DIP2C: variants seen among roughly 807,000 people sequenced by gnomAD.
DIP2C encodes disco-interacting protein 2 homolog C.
A neutral mutation model predicts 192.4 loss-of-function variants in DIP2C; 33 were observed. The observed-to-expected ratio is 0.17, with a 90% CI of 0.13 to 0.23. The LOEUF is 0.23. DIP2C is among the 10% of genes least tolerant of loss of function. DIP2C has a pLI of 1.00. For missense variants in DIP2C, 1,537 were observed against 2,110.1 expected (o/e 0.73, Z 5.32); for synonymous variants, 979 against 864.1 (o/e 1.13, Z -2.33).
At chr10:544,358 G>A (rs1427825071) in intron 1 of DIP2C, among the ~76,000 whole-genome samples, 4 of 152,234 alleles carry the variant, frequency 2.6e-5, no homozygotes, top group East Asian at 1.9e-4. Context: ...CATCTGGGCT[G>A]TTTCTACTCA....
chr10:551,609 CAGAG>C (rs1259139407), intron 1 of DIP2C, among the ~76,000 whole-genome samples: 2 of 152,192 alleles, frequency 1.3e-5, no homozygotes, highest in African/African-American at 4.8e-5. Flanking sequence ...TCCCTGGGCT[CAGAG>C]AAAGGTGAGG....
chr10:622,739 C>G (rs139811991), intron 1 of DIP2C, among the ~76,000 whole-genome samples: 1 of 152,278 alleles, frequency 6.6e-6, no homozygotes, highest in Non-Finnish European at 1.5e-5. Flanking sequence ...ACGTTCTTCA[C>G]GTTCTAAATG....
intron 1 of DIP2C, among the ~76,000 whole-genome samples, chr10:620,170 C>T (rs576731537): frequency 6.6e-6 from 1 of 152,318 alleles, no homozygotes; most frequent in African/African-American, 2.4e-5. Flanking sequence ...CTTGTATAGT[C>T]TTACAAGGCC....
chr10:563,937 G>A (rs1011265863), intron 1 of DIP2C, among the ~76,000 whole-genome samples: 1 of 152,202 alleles, frequency 6.6e-6, no homozygotes, highest in Non-Finnish European at 1.5e-5. Context: ...GCTCATTCAG[G>A]GAATCGATGC....
At chr10:309,560 C>CTTTT (rs766027771) in intron 32 of DIP2C, among the ~76,000 whole-genome samples, 2 of 137,152 alleles carry the variant, frequency 1.5e-5, no homozygotes, top group Non-Finnish European at 3.2e-5. Context: ...AACAGAGTTT[C>CTTTT]TTTTTTTTTT....
intron 1 of DIP2C, among the ~76,000 whole-genome samples, chr10:514,676 A>G (rs147726517): frequency 6.6e-6 from 1 of 152,030 alleles, no homozygotes; most frequent in Non-Finnish European, 1.5e-5. Flanking sequence ...CCAACACCGT[A>G]TTTCCTCATG....
intron 6 of DIP2C, among the ~76,000 whole-genome samples, chr10:416,203 C>T (rs942023019): frequency 6.6e-6 from 1 of 152,132 alleles, no homozygotes; most frequent in Non-Finnish European, 1.5e-5. Context: ...TTGTCACCTG[C>T]AGAGGGCAGA....
At chr10:588,252 C>A (rs1851194607) in intron 1 of DIP2C, among the ~76,000 whole-genome samples, 2 of 151,442 alleles carry the variant, frequency 1.3e-5, no homozygotes, top group Admixed American at 1.3e-4. Context: ...ACACCAGCCA[C>A]TGCTTCAGCC....
chr10:400,529 A>C (rs1342134291), intron 9 of DIP2C, among the ~76,000 whole-genome samples: 4 of 152,190 alleles, frequency 2.6e-5, no homozygotes, highest in South Asian at 4.1e-4. Flanking sequence ...GTACATTTTC[A>C]TCAGCACATG....
chr10:452,748 C>T (rs572194816), intron 3 of DIP2C, among the ~76,000 whole-genome samples: 1 of 152,332 alleles, frequency 6.6e-6, no homozygotes, highest in Admixed American at 6.5e-5. Flanking sequence ...ACACCACACA[C>T]CGCTACTGAG....
At chr10:572,553 C>T (rs1339964028) in intron 1 of DIP2C, among the ~76,000 whole-genome samples, 1 of 152,160 alleles carries the variant, frequency 6.6e-6, no homozygotes, top group African/African-American at 2.4e-5. Flanking sequence ...AAATAGTTTT[C>T]TATTATTTGT....
At chr10:397,505 G>A (rs1306511261) in intron 10 of DIP2C, among the ~76,000 whole-genome samples, 1 of 149,218 alleles carries the variant, frequency 6.7e-6, no homozygotes. Context: ...ACTCCAGCCT[G>A]GGAGACACAG....
intron 24 of DIP2C, among the ~76,000 whole-genome samples, chr10:356,095 A>C (rs1247333523): frequency 6.6e-6 from 1 of 152,216 alleles, no homozygotes; most frequent in African/African-American, 2.4e-5. Flanking sequence ...AAAACAAAAC[A>C]AAAACTAGTT....
At chr10:601,814 G>T (rs1852094137) in intron 1 of DIP2C, among the ~76,000 whole-genome samples, 1 of 152,228 alleles carries the variant, frequency 6.6e-6, no homozygotes, top group African/African-American at 2.4e-5. Flanking sequence ...CGATGGGGTG[G>T]CTGATCGGGG....
intron 1 of DIP2C, among the ~76,000 whole-genome samples, chr10:609,959 T>A (rs1446891500): frequency 6.6e-6 from 1 of 151,920 alleles, no homozygotes; most frequent in African/African-American, 2.4e-5. Flanking sequence ...ACCGAGGGCT[T>A]TGGGGACAGG....
intron 1 of DIP2C, among the ~76,000 whole-genome samples, chr10:489,450 C>T (rs920027999): frequency 6.6e-6 from 1 of 152,244 alleles, no homozygotes; most frequent in Non-Finnish European, 1.5e-5. Context: ...GACTGACAGG[C>T]AGAAGCTAGC....
In DIP2C at chr10:619,081, G is replaced by A. The variant is rs144496522; in HGVS notation, c.85+70413C>T. Among the ~76,000 whole-genome samples the A allele has an allele frequency of 1.2e-3, 180 of 152,228 alleles. 1 individual carries two copies. The highest frequency in any genetic ancestry group is 4.0e-3 in the African/African-American group (168 of 41,556). ...CTGTCTCCTGAGCTGTGTGGCAGGC[G>A]GACATACCTTCAGTTATGTGAGGAA... On this transcript the variant is annotated intron_variant, in intron 1 of 36. Transcript: ENST00000280886.
intron 2 of DIP2C, among the ~76,000 whole-genome samples, chr10:475,102 T>C (rs1367569256): frequency 6.6e-6 from 1 of 152,186 alleles, no homozygotes; most frequent in African/African-American, 2.4e-5. Flanking sequence ...CTGGAGCCTC[T>C]GTTGTCAGTA....
chr10:545,465 G>A (rs968450530), intron 1 of DIP2C, among the ~76,000 whole-genome samples: 1 of 152,082 alleles, frequency 6.6e-6, no homozygotes, highest in Admixed American at 6.5e-5. Flanking sequence ...CATGACTGGT[G>A]TTCTTATAAT....
Sources: gnomAD v4.1 joint callset for allele counts (sites outside exome capture counted in the v4.1 genomes callset) on GRCh38, gnomAD v4.1.1 for gene constraint, MANE v1.5 for transcripts, NCBI Gene and HGNC (gene_info 2026-07-23, HGNC 2026-07-21) for gene names.